Variants in PCDHGA4 observed in about 807,000 individuals in gnomAD.
The protein encoded by PCDHGA4 is protocadherin gamma subfamily A, 4, also known as protocadherin gamma-A4.
PCDHGA4 carries 38 observed loss-of-function variants against 54.6 expected under a neutral mutation model. The ratio of observed to expected loss-of-function variants is 0.70; its 90% CI spans 0.54 to 0.91. The LOEUF (loss-of-function observed/expected upper bound fraction) is 0.91, where lower values mean the gene tolerates loss of function less well. Among genes scored for constraint, PCDHGA4 ranks in the 40% least tolerant of loss-of-function variants. The pLI is 0.00. For synonymous variants in PCDHGA4, 511 were observed against 512.9 expected (o/e 1.00, Z 0.05); for missense variants, 1,298 against 1,220.9 (o/e 1.06, Z -0.94).
intron 1 of PCDHGA4, chr5:141,393,074 G>C (rs775449711): frequency 7.4e-6 from 12 of 1,613,592 alleles, no homozygotes; most frequent in African/African-American, 2.7e-5. Flanking sequence ...TGATCACCGC[G>C]GGCAGGATAG....
chr5:141,453,387 G>A (rs1313174494), intron 1 of PCDHGA4, among the ~76,000 whole-genome samples: 1 of 151,936 alleles, frequency 6.6e-6, no homozygotes, highest in Non-Finnish European at 1.5e-5. Flanking sequence ...TCCTGCCTTA[G>A]CCTCCAAGTG....
At chr5:141,418,717 C>G in intron 1 of PCDHGA4, 2 of 1,613,938 alleles carry the variant, frequency 1.2e-6, no homozygotes, top group Non-Finnish European at 1.7e-6. Context: ...GTGTGGCTGA[C>G]AAAGCTCAGC....
chr5:141,415,130 A>G (rs2095833213), intron 1 of PCDHGA4: 3 of 1,613,636 alleles, frequency 1.9e-6, no homozygotes, highest in South Asian at 1.1e-5. Flanking sequence ...GCCGTCCAGG[A>G]CCACGGCCAG....
chr5:141,486,166 G>A lies in PCDHGA4; in HGVS notation c.2515-8641G>A. ...GCGATGGGGGTTCTCCAGCCATGGA[G>A]CAACATTGCAGCCTTCGAGTGGATC... On this transcript the variant is annotated intron_variant, in intron 1 of 3. Coordinates refer to ENST00000571252, the MANE Select transcript of PCDHGA4 (RefSeq NM_018917.4). The surrounding 1 kb of genome is among the most constrained non-coding windows in gnomAD (Gnocchi z 5.0). The A allele has an allele frequency of 2.5e-6, 4 of 1,614,224 alleles. No individual in the cohort carries two copies. The highest frequency in any genetic ancestry group is 3.4e-6 in the Non-Finnish European group (4 of 1,180,040).
At position 141,510,965 on chromosome 5, in the gene PCDHGA4, C is replaced by T. The variant is rs1473736492; in HGVS notation, c.2681C>T (p.Ser894Phe). The T allele has an allele frequency of 3.1e-6, 5 of 1,614,026 alleles. No homozygotes were observed. The highest frequency in any genetic ancestry group is 4.2e-6 in the Non-Finnish European group (5 of 1,180,020). The change falls in exon 4 of 4, where the codon TCC becomes TTC. Residue 894 changes from serine (S) to phenylalanine (F), a missense_variant. Transcript: ENST00000571252. ...TCTGCAGAAGCTGCTGATGGGAGCT[C>T]CACCCTGGGAGGGGGTGCCGGCACC... ...ASASEAADGS[S>F]TLGGGAGTMG...
In PCDHGA4 at chr5:141,512,517, A is replaced by G. The variant is rs985434754; in HGVS notation, c.*1344A>G. ...GTCCCCAGTGCGCCCCCTAGTGGCC[A>G]TAGCCTGGTTAAAGTTCCCCAGTGC... On this transcript the variant is annotated 3_prime_UTR_variant, in exon 4 of 4. Coordinates refer to ENST00000571252, the MANE Select transcript of PCDHGA4 (RefSeq NM_018917.4). 3 of 152,938 alleles carry G rather than the reference A, an allele frequency of 2.0e-5. No individual in the cohort carries two copies. Among genetic ancestry groups the G allele is most frequent in the African/African-American group, 7.2e-5 (3 of 41,464 alleles). 9.5% of individuals were successfully genotyped at this position (152,938 alleles called of 1,614,324 possible).
intron 2 of PCDHGA4, among the ~76,000 whole-genome samples, chr5:141,503,608 AAAAAAAG>A (rs1483073868): frequency 3.3e-5 from 5 of 151,876 alleles, no homozygotes; most frequent in South Asian, 2.1e-4. Context: ...CAAAAAAAAA[AAAAAAAG>A]AAAAAAGAAA....
At chr5:141,385,399 G>A in intron 1 of PCDHGA4, 1 of 1,492,926 alleles carries the variant, frequency 6.7e-7, no homozygotes, top group Non-Finnish European at 8.9e-7. Flanking sequence ...CAAAACAAAT[G>A]TTTTGAAAAT....
chr5:141,408,125 C>T, intron 1 of PCDHGA4: 1 of 1,478,650 alleles, frequency 6.8e-7, no homozygotes, highest in South Asian at 1.4e-5. Context: ...CTGTCCTGGG[C>T]CGAATGCTCT....
intron 1 of PCDHGA4, chr5:141,388,571 C>G: frequency 9.3e-6 from 15 of 1,613,830 alleles, no homozygotes; most frequent in Non-Finnish European, 1.2e-5. Flanking sequence ...CACAGATACA[C>G]GTTCTAGTGA....
At chr5:141,467,018 CTTTGT>C (rs1209768587) in intron 1 of PCDHGA4, among the ~76,000 whole-genome samples, 4 of 149,992 alleles carry the variant, frequency 2.7e-5, no homozygotes, top group African/African-American at 7.3e-5. Context: ...ATTTTTTTCC[CTTTGT>C]TTTTGTTTTT....
intron 1 of PCDHGA4, chr5:141,395,542 TTGTGTGTGTGTGTGTGTG>T (rs55729045): frequency 3.2e-4 from 55 of 172,630 alleles, no homozygotes; most frequent in Middle Eastern, 1.8e-3. Context: ...TTGCTATTGT[TTGTGTGTGTGTGTGTGTG>T]TGTGTGTGTG....
intron 1 of PCDHGA4, chr5:141,394,278 T>C: frequency 6.2e-7 from 1 of 1,613,924 alleles, no homozygotes; most frequent in Non-Finnish European, 8.5e-7. Context: ...CCAGGTCACT[T>C]ACTCTGTGAC....
Position 141,487,856 on chromosome 5 carries a change from T to C in PCDHGA4, c.2515-6951T>C. The C allele has an allele frequency of 2.0e-6, 2 of 977,364 alleles. No homozygotes were observed. The highest frequency in any genetic ancestry group is 3.0e-6 in the Non-Finnish European group (2 of 671,858). 60.5% of individuals were successfully genotyped at this position (977,364 alleles called of 1,614,324 possible). A position where few individuals can be genotyped will look rare whatever the true frequency, so the allele number is the denominator to read the frequency against. Reference sequence around the variant, plus strand: ...ATATCTGAGTAAGAAATGAAAGTAATTGGTGATCAAGAGCCAGGCTGTTGT... The same window carrying C: ...ATATCTGAGTAAGAAATGAAAGTAACTGGTGATCAAGAGCCAGGCTGTTGT... On this transcript the variant is annotated intron_variant, in intron 1 of 3. Transcript: ENST00000571252. The surrounding 1 kb of genome is among the most constrained non-coding windows in gnomAD (Gnocchi z 5.0).
intron 1 of PCDHGA4, among the ~76,000 whole-genome samples, chr5:141,472,245 T>A (rs1217786736): frequency 6.6e-6 from 1 of 152,144 alleles, no homozygotes; most frequent in East Asian, 1.9e-4. Context: ...ACTTTCTATT[T>A]TAAAGTTATA....
chr5:141,485,674 T>C lies in PCDHGA4; in HGVS notation c.2515-9133T>C. 1 of 1,612,986 alleles carries C rather than the reference T, an allele frequency of 6.2e-7. No homozygotes were observed. Among genetic ancestry groups the C allele is most frequent in the South Asian group, 1.1e-5 (1 of 91,072 alleles). Reference sequence around the variant, plus strand: ...ATGCAGATGTGGGGAGCAATTCGATTAGCAGCTATAGGCTGAGCTCCAATG... The same window carrying C: ...ATGCAGATGTGGGGAGCAATTCGATCAGCAGCTATAGGCTGAGCTCCAATG... On this transcript the variant is annotated intron_variant, in intron 1 of 3. Transcript: ENST00000571252. This position sits in a 1 kb window ranked among gnomAD's most constrained non-coding sequence, Gnocchi z 5.7.
In PCDHGA4 at chr5:141,490,052, A is replaced by G. The variant is rs774710472; in HGVS notation, c.2515-4755A>G. 11 of 1,614,098 alleles carry G rather than the reference A, an allele frequency of 6.8e-6. No homozygotes were observed. The highest frequency in any genetic ancestry group is 9.3e-6 in the Non-Finnish European group (11 of 1,180,014). On this transcript the variant is annotated intron_variant, in intron 1 of 3. Transcript: ENST00000571252. The surrounding 1 kb of genome is among the most constrained non-coding windows in gnomAD (Gnocchi z 5.4). ...CGCCTCAATGCCACTGATCCAGACG[A>G]GGGCACCAACGGCCAACTAGACTAT... is the stretch of plus-strand genomic sequence containing the variant.
rs374181150 is a variant in PCDHGA4, at chr5:141,477,134, G to C, written c.2515-17673G>C. The C allele has an allele frequency of 2.5e-5, 41 of 1,614,092 alleles. No homozygotes were observed. Among genetic ancestry groups the C allele is most frequent in the Non-Finnish European group, 3.4e-5 (40 of 1,180,056 alleles). ...CGAAGGAGCACATTGCAAAGTGTTG[G>C]TGGAGGTTGTGGATGTGAATGACAA... is the stretch of plus-strand genomic sequence containing the variant. On this transcript the variant is annotated intron_variant, in intron 1 of 3. Coordinates refer to ENST00000571252, the MANE Select transcript of PCDHGA4 (RefSeq NM_018917.4). The surrounding 1 kb of genome is among the most constrained non-coding windows in gnomAD (Gnocchi z 4.9).
intron 1 of PCDHGA4, among the ~76,000 whole-genome samples, chr5:141,425,841 C>T (rs936781561): frequency 2.0e-5 from 3 of 152,190 alleles, no homozygotes; most frequent in African/African-American, 7.2e-5. Context: ...ATTCTCTTTG[C>T]TGGGTTAATG....
Sources: allele counts gnomAD v4.1 joint callset (sites outside exome capture counted in the v4.1 genomes callset), GRCh38; gene constraint gnomAD v4.1.1; non-coding constraint Gnocchi (gnomAD v3.1); transcripts MANE v1.5; gene names NCBI Gene and HGNC (gene_info 2026-07-23, HGNC 2026-07-21).